The following SEMA3D variants were observed in gnomAD, a reference collection of about 807,000 sequenced individuals.
The protein encoded by SEMA3D is semaphorin-3D.
Under a neutral mutation model 100.1 loss-of-function variants are expected in SEMA3D, and 84 were observed. That is an observed-to-expected ratio of 0.84 (90% CI 0.70 to 1.01). The LOEUF (loss-of-function observed/expected upper bound fraction) is 1.01, where lower values mean the gene tolerates loss of function less well. Among genes scored for constraint, SEMA3D ranks in the 50% least tolerant of loss-of-function variants. The pLI is 0.00. For synonymous variants in SEMA3D, 312 were observed against 320.7 expected (o/e 0.97, Z 0.29); for missense variants, 875 against 934.1 (o/e 0.94, Z 0.82).
intron 4 of SEMA3D, among the ~76,000 whole-genome samples, chr7:85,090,596 G>A (rs1449361298): frequency 2.6e-5 from 4 of 152,084 alleles, no homozygotes; most frequent in Admixed American, 6.6e-5. Context: ...AAGTGAGAAG[G>A]TTATTTATTC....
At chr7:85,038,087 G>C (rs1418216425) in intron 11 of SEMA3D, among the ~76,000 whole-genome samples, 1 of 151,810 alleles carries the variant, frequency 6.6e-6, no homozygotes, top group Non-Finnish European at 1.5e-5. Flanking sequence ...CTGGAGATAC[G>C]TCTAATGTTA....
At position 85,159,970 on chromosome 7, in the gene SEMA3D, C is replaced by A. The variant is rs1429450839; in HGVS notation, c.-172-6231G>T. 4.1e-6 allele frequency: 4 copies of A among 984,448 alleles called. No individual in the cohort carries two copies. In the East Asian group the frequency reaches 4.5e-4, roughly 112 times the overall value. 61.0% of individuals were successfully genotyped at this position (984,448 alleles called of 1,614,324 possible). A position where few individuals can be genotyped will look rare whatever the true frequency, so the allele number is the denominator to read the frequency against. ...ACACAAGCCATAAGTTCTACGGTAA[C>A]TACTCCAGAGGTATCATATCTACCA... is the stretch of plus-strand genomic sequence containing the variant. On this transcript the variant is annotated intron_variant, in intron 1 of 18. Transcript: ENST00000284136.
At position 85,180,204 on chromosome 7, in the gene SEMA3D, G is replaced by C. The variant is rs540612995; in HGVS notation, c.-173+6474C>G. ...TAGGTCATGGGAGCAGTTTTCCCAT[G>C]CTGTTCTTATGATAGTGAGTGAGTT... On this transcript the variant is annotated intron_variant, in intron 1 of 18. Transcript: ENST00000284136. Among the ~76,000 whole-genome samples the C allele has an allele frequency of 2.0e-5, 3 of 152,296 alleles. No individual in the cohort carries two copies. In the East Asian group the frequency reaches 5.8e-4, roughly 29 times the overall value.
rs1189278482 is a variant in SEMA3D, at chr7:85,126,420, T to TC, written c.-40-4490_-40-4489insG. ...TGTGTGTGTCGTGTGTGTGTGTGTG[T>TC]GTGTGTGTGTGTGTGTGTAGGTTGG... On this transcript the variant is annotated intron_variant, in intron 2 of 18. Transcript: ENST00000284136. Among the ~76,000 whole-genome samples, 4 of 150,688 alleles carry TC rather than the reference T, an allele frequency of 2.7e-5. No homozygotes were observed. The East Asian group carries it at 5.9e-4, about 22-fold the overall frequency.
intron 4 of SEMA3D, among the ~76,000 whole-genome samples, chr7:85,088,481 C>T (rs1416076270): frequency 1.3e-5 from 2 of 152,064 alleles, no homozygotes; most frequent in Admixed American, 6.6e-5. Flanking sequence ...GAGATAGTGG[C>T]CATCTCTTTC....
In SEMA3D at chr7:85,157,745, G is replaced by A. The variant is rs575184646; in HGVS notation, c.-172-4006C>T. The A allele has an allele frequency of 6.4e-6, 3 of 465,630 alleles. No individual in the cohort carries two copies. The South Asian group carries it at 2.8e-4, about 43-fold the overall frequency. The allele number at this position is 465,630 out of a possible 1,614,324, so 28.8% of individuals were successfully genotyped here. A position where few individuals can be genotyped will look rare whatever the true frequency, so the allele number is the denominator to read the frequency against. On this transcript the variant is annotated intron_variant, in intron 1 of 18. Transcript: ENST00000284136. ...CTCTTCTCCTCAACAACACCCAACA[G>A]TCTTCACGTTTTCACTTCAGTCGCC...
intron 8 of SEMA3D, 69 bp from the exon 9 acceptor site, chr7:85,055,928 T>G (rs368369457): frequency 1.1e-6 from 1 of 869,734 alleles, no homozygotes. Flanking sequence ...TTGATGATAT[T>G]TCCACGTAAA....
rs1790714685 is a variant in SEMA3D, at chr7:85,036,945, C to T, written c.1135G>A (p.Ala379Thr). 4.3e-6 allele frequency: 7 copies of T among 1,613,376 alleles called. No homozygotes were observed. Among genetic ancestry groups the T allele is most frequent in the Non-Finnish European group, 5.9e-6 (7 of 1,179,488 alleles). The change falls in exon 12 of 19, where the codon GCA (alanine) becomes ACA (threonine). Residue 379 changes from alanine to threonine, a missense_variant. Ala to Thr is a moderately conservative substitution (Grantham distance 58). Transcript: ENST00000284136. ...FNGPYAHKES[A>T]DHRWVQYDGR... ...TCATACTGCACCCAACGATGGTCTG[C>T]ACTTTCCTTATGAGCATATGGACCA... is the stretch of plus-strand genomic sequence containing the variant.
chr7:85,054,766 T>A (rs994546620), intron 9 of SEMA3D, among the ~76,000 whole-genome samples: 2 of 152,108 alleles, frequency 1.3e-5, no homozygotes, highest in African/African-American at 4.8e-5. Context: ...AGCTTCCTGC[T>A]GAGAGTATTT....
the SEMA3D span, among the ~76,000 whole-genome samples, chr7:85,218,992 G>A: frequency 1.3e-5 from 2 of 152,118 alleles, no homozygotes; most frequent in Non-Finnish European, 2.9e-5. Flanking sequence ...TTCTAGAAAT[G>A]AGCTACGCAC....
At chr7:85,172,734 C>T (rs7780423) in intron 1 of SEMA3D, among the ~76,000 whole-genome samples, 104,319 of 151,840 alleles carry the variant, frequency 0.69, 36,994 homozygotes, top group East Asian at 0.92. Context: ...GCTCTCTTAG[C>T]AACTAGACAG....
intron 1 of SEMA3D, among the ~76,000 whole-genome samples, chr7:85,174,213 T>C (rs1285199900): frequency 6.6e-6 from 1 of 152,188 alleles, no homozygotes; most frequent in African/African-American, 2.4e-5. Context: ...TGTAAGGATA[T>C]GTGATTTAAC....
At chr7:85,188,357 C>A (rs1791618469), upstream of SEMA3D, among the ~76,000 whole-genome samples, 1 of 152,184 alleles carries the variant, frequency 6.6e-6, no homozygotes, top group Admixed American at 6.5e-5. Context: ...CATAAATACC[C>A]TCTTTGGATA....
chr7:85,205,513 C>G, the SEMA3D span, among the ~76,000 whole-genome samples: 1 of 151,764 alleles, frequency 6.6e-6, no homozygotes, highest in South Asian at 2.1e-4. Flanking sequence ...TCTTCTTGAC[C>G]CCACCATTTT....
At chr7:85,209,290 A>G in the SEMA3D span, among the ~76,000 whole-genome samples, 11 of 152,062 alleles carry the variant, frequency 7.2e-5, no homozygotes, top group African/African-American at 2.2e-4. Flanking sequence ...GTGTATATAT[A>G]TGTATATGTG....
the SEMA3D span, among the ~76,000 whole-genome samples, chr7:85,233,741 C>T: frequency 1.3e-5 from 2 of 152,110 alleles, 1 homozygote; most frequent in East Asian, 3.9e-4. Context: ...ATAAGAGATA[C>T]CAATACAAGC....
Position 85,018,773 on chromosome 7 carries a change from A to G in SEMA3D, c.1504-480T>C, listed in dbSNP as rs1790175257. ...TCATATTCTTTACGGAACACTACAC[A>G]ATACTGGTGCACATGATTTCACAAT... On this transcript the variant is annotated intron_variant, in intron 14 of 18. Transcript: ENST00000284136. 1.3e-5 allele frequency among the ~76,000 whole-genome samples: 2 copies of G among 151,794 alleles called. 1 individual carries two copies. The highest frequency in any genetic ancestry group is 4.1e-4 in the South Asian group (2 of 4,836).
chr7:85,198,779 T>A, the SEMA3D span, among the ~76,000 whole-genome samples: 2 of 147,890 alleles, frequency 1.4e-5, no homozygotes, highest in East Asian at 4.0e-4. Context: ...ACTGTTTTTC[T>A]TTTTTAAAAT....
intron 8 of SEMA3D, among the ~76,000 whole-genome samples, chr7:85,056,497 A>G (rs1791321403): frequency 6.6e-6 from 1 of 151,760 alleles, no homozygotes; most frequent in Admixed American, 6.6e-5. Flanking sequence ...TTATATTATT[A>G]TCAAGTGGAT....
Sources: allele counts gnomAD v4.1 joint callset (sites outside exome capture counted in the v4.1 genomes callset), GRCh38; gene constraint gnomAD v4.1.1; transcripts MANE v1.5; gene names NCBI Gene and HGNC (gene_info 2026-07-23, HGNC 2026-07-21).